The following NEGR1 variants were observed in gnomAD, a reference collection of about 807,000 sequenced individuals.
NEGR1 encodes neuronal growth regulator 1.
A neutral mutation model predicts 40.9 loss-of-function variants in NEGR1; 10 were observed. The ratio of observed to expected loss-of-function variants is 0.24; its 90% CI spans 0.15 to 0.42. The LOEUF (loss-of-function observed/expected upper bound fraction) is 0.42, where lower values mean the gene tolerates loss of function less well. NEGR1 is among the 10% of genes least tolerant of loss of function. NEGR1 has a pLI of 1.00. For missense variants in NEGR1, 352 were observed against 438.9 expected (o/e 0.80, Z 1.77); for synonymous variants, 185 against 166.8 (o/e 1.11, Z -0.84).
intron 3 of NEGR1, among the ~76,000 whole-genome samples, chr1:71,713,933 T>A (rs1376011774): frequency 6.6e-6 from 1 of 152,214 alleles, no homozygotes; most frequent in Admixed American, 6.5e-5. Context: ...TTATGTGATC[T>A]GGGGCAAAAT....
intron 6 of NEGR1, among the ~76,000 whole-genome samples, chr1:71,533,089 C>G (rs1057387362): frequency 7.3e-5 from 11 of 151,502 alleles, no homozygotes; most frequent in Admixed American, 3.3e-4. Flanking sequence ...TTACACAACA[C>G]CCCATCACTG....
At chr1:72,166,792 G>A (rs1651782145) in intron 1 of NEGR1, among the ~76,000 whole-genome samples, 1 of 151,970 alleles carries the variant, frequency 6.6e-6, no homozygotes, top group Non-Finnish European at 1.5e-5. Flanking sequence ...TAATTAGCTT[G>A]ACTGCATTAT....
chr1:71,621,911 T>C (rs1650622239), intron 4 of NEGR1, among the ~76,000 whole-genome samples: 1 of 151,874 alleles, frequency 6.6e-6, no homozygotes, highest in Non-Finnish European at 1.5e-5. Context: ...GATGGATGAA[T>C]GGATGAGTTA....
At chr1:71,907,921 T>C (rs571830357) in intron 2 of NEGR1, among the ~76,000 whole-genome samples, 128 of 152,234 alleles carry the variant, frequency 8.4e-4, no homozygotes, top group African/African-American at 2.9e-3. Flanking sequence ...AAGTACTACA[T>C]GTTCTCACTT....
At chr1:72,075,274 G>T (rs1351090245) in intron 1 of NEGR1, among the ~76,000 whole-genome samples, 2 of 152,102 alleles carry the variant, frequency 1.3e-5, no homozygotes, top group Non-Finnish European at 2.9e-5. Context: ...TTTCTTGAAA[G>T]AAGGTGGCTT....
At chr1:72,089,394 A>G (rs1648371337) in intron 1 of NEGR1, among the ~76,000 whole-genome samples, 2 of 152,208 alleles carry the variant, frequency 1.3e-5, no homozygotes, top group South Asian at 4.1e-4. Flanking sequence ...CATGATAAAC[A>G]TATAATAATT....
intron 1 of NEGR1, among the ~76,000 whole-genome samples, chr1:72,263,396 T>C (rs540949556): frequency 3.2e-4 from 48 of 151,672 alleles, no homozygotes; most frequent in Admixed American, 6.6e-4. Flanking sequence ...TTAAATATTT[T>C]TATTAACATC....
chr1:71,845,360 TA>T (rs1268783342), intron 2 of NEGR1, among the ~76,000 whole-genome samples: 1 of 152,064 alleles, frequency 6.6e-6, no homozygotes, highest in Non-Finnish European at 1.5e-5. Flanking sequence ...TTAAAGTTAT[TA>T]TTATATTTAA....
intron 2 of NEGR1, among the ~76,000 whole-genome samples, chr1:71,861,557 G>C (rs988723899): frequency 6.6e-6 from 1 of 152,036 alleles, no homozygotes; most frequent in Non-Finnish European, 1.5e-5. Context: ...AAGAATGCAT[G>C]AGAAATAAAT....
intron 6 of NEGR1, among the ~76,000 whole-genome samples, chr1:71,512,749 G>A (rs1293453982): frequency 2.0e-5 from 3 of 151,580 alleles, no homozygotes; most frequent in South Asian, 4.2e-4. Flanking sequence ...GCCTGGCTAC[G>A]TTTTGCATTT....
intron 6 of NEGR1, among the ~76,000 whole-genome samples, chr1:71,524,315 A>AGAGTGT: frequency 7.1e-6 from 1 of 140,672 alleles, no homozygotes; most frequent in Non-Finnish European, 1.6e-5. Context: ...TTTAAATAGG[A>AGAGTGT]GTGTGTGTGT....
At chr1:71,424,370 G>T (rs1439400829) in intron 6 of NEGR1, among the ~76,000 whole-genome samples, 1 of 152,134 alleles carries the variant, frequency 6.6e-6, no homozygotes, top group Non-Finnish European at 1.5e-5. Flanking sequence ...GATTTAGTAT[G>T]TACCTGTGCA....
chr1:71,559,789 C>A (rs1444640944), intron 6 of NEGR1, among the ~76,000 whole-genome samples: 1 of 151,122 alleles, frequency 6.6e-6, no homozygotes, highest in Non-Finnish European at 1.5e-5. Context: ...ACTGCATACA[C>A]ACTAAAATCT....
chr1:71,522,730 T>TACACACAC (rs3980477), intron 6 of NEGR1, among the ~76,000 whole-genome samples: 177 of 144,376 alleles, frequency 1.2e-3, no homozygotes, highest in Admixed American at 2.1e-3. Flanking sequence ...ACCCCCCCCT[T>TACACACAC]ACACACACAC....
At chr1:72,170,045 C>A (rs1651904954) in intron 1 of NEGR1, among the ~76,000 whole-genome samples, 1 of 152,052 alleles carries the variant, frequency 6.6e-6, no homozygotes, top group African/African-American at 2.4e-5. Context: ...CAATTAGATG[C>A]CTATAGAAAA....
intron 6 of NEGR1, among the ~76,000 whole-genome samples, chr1:71,512,193 T>C (rs1336738098): frequency 6.6e-6 from 1 of 152,188 alleles, no homozygotes; most frequent in Non-Finnish European, 1.5e-5. Context: ...AACTATCAAT[T>C]ACATTCAAAT....
intron 1 of NEGR1, among the ~76,000 whole-genome samples, chr1:72,251,878 A>T (rs1469182565): frequency 6.6e-6 from 1 of 152,156 alleles, no homozygotes; most frequent in Admixed American, 6.5e-5. Flanking sequence ...ATTTTGGCCA[A>T]ACTTACTTGT....
chr1:72,051,908 G>T (rs566042813), intron 1 of NEGR1, among the ~76,000 whole-genome samples: 1 of 151,546 alleles, frequency 6.6e-6, no homozygotes, highest in Non-Finnish European at 1.5e-5. Flanking sequence ...AAGTTTGTTT[G>T]TCCTATGTAG....
chr1:71,609,463 C>T (rs1371891951), intron 5 of NEGR1, among the ~76,000 whole-genome samples: 13 of 126,288 alleles, frequency 1.0e-4, no homozygotes, highest in Admixed American at 3.0e-4. Flanking sequence ...TGCAGTGAGC[C>T]GACATCACGC....
Sources: gnomAD v4.1 joint callset for allele counts (sites outside exome capture counted in the v4.1 genomes callset) on GRCh38, gnomAD v4.1.1 for gene constraint, MANE v1.5 for transcripts, NCBI Gene and HGNC (gene_info 2026-07-23, HGNC 2026-07-21) for gene names.